Variants in CFTR observed in about 807,000 individuals in gnomAD.
CFTR encodes the protein CF transmembrane conductance regulator, also known as cystic fibrosis transmembrane conductance regulator.
CFTR carries 181 observed loss-of-function variants against 171.6 expected under a neutral mutation model. That is an observed-to-expected ratio of 1.05 (90% CI 0.93 to 1.19). CFTR has a LOEUF of 1.19. Among genes scored for constraint, CFTR ranks in the 50% most tolerant of loss-of-function variants. CFTR has a pLI of 0.00. For synonymous variants in CFTR, 583 were observed against 608.0 expected (o/e 0.96, Z 0.60); for missense variants, 1,968 against 1,734.7 (o/e 1.13, Z -2.39).
intron 16 of CFTR, 127 bp from the exon 17 acceptor site, chr7:117,603,405 A>C: frequency 1.1e-6 from 1 of 930,518 alleles, no homozygotes; most frequent in South Asian, 1.4e-5. Flanking sequence ...TTTGAGGTTA[A>C]GGGTGCATGC....
chr7:117,593,795 C>A (rs1251413605), intron 14 of CFTR, among the ~76,000 whole-genome samples: 1 of 152,130 alleles, frequency 6.6e-6, no homozygotes, highest in African/African-American at 2.4e-5. Flanking sequence ...GGGGTTTCAT[C>A]ATGTTGACCA....
chr7:117,631,789 A>C (rs1384839713), intron 22 of CFTR, among the ~76,000 whole-genome samples: 1 of 152,184 alleles, frequency 6.6e-6, no homozygotes, highest in African/African-American at 2.4e-5. Context: ...GAGTTCTGTG[A>C]GCCATTCTAG....
At chr7:117,603,422 A>G in intron 16 of CFTR, 110 bp from the exon 17 acceptor site, 1 of 1,233,236 alleles carries the variant, frequency 8.1e-7, no homozygotes, top group Non-Finnish European at 1.2e-6. Flanking sequence ...ATGCTCTTCT[A>G]ATGCAAAATA....
chr7:117,641,780 T>C (rs957134070), intron 22 of CFTR, among the ~76,000 whole-genome samples: 1 of 152,230 alleles, frequency 6.6e-6, no homozygotes, highest in Non-Finnish European at 1.5e-5. Context: ...TAATTTTCTT[T>C]CTTTTCCTTA....
chr7:117,661,170 C>T (rs1793275124), intron 24 of CFTR, among the ~76,000 whole-genome samples: 1 of 152,146 alleles, frequency 6.6e-6, no homozygotes, highest in African/African-American at 2.4e-5. Context: ...TAAATGTTTA[C>T]TGACTTCAAT....
intron 11 of CFTR, among the ~76,000 whole-genome samples, chr7:117,583,510 C>T (rs1441809738): frequency 5.3e-5 from 8 of 152,022 alleles, no homozygotes; most frequent in African/African-American, 9.7e-5. Flanking sequence ...TATTTCATTC[C>T]GTTTTTTGGC....
chr7:117,602,039 CT>C lies in CFTR; in HGVS notation c.2620-777del, dbSNP rs377105851. ...ACTGTGACTTTTTACACTGCTGAAA[CT>C]TTTTTTTTTAAGACAATCTCACTCT... On this transcript the variant is annotated intron_variant, in intron 15 of 26. Coordinates refer to ENST00000003084, the MANE Select transcript of CFTR (RefSeq NM_000492.4). Among the ~76,000 whole-genome samples, 570 of 149,690 alleles carry C rather than the reference CT, an allele frequency of 3.8e-3. 24 individuals carry two copies. In the South Asian group the frequency reaches 0.09, roughly 24 times the overall value.
At chr7:117,625,704 G>A (rs1792640363) in intron 21 of CFTR, among the ~76,000 whole-genome samples, 1 of 152,132 alleles carries the variant, frequency 6.6e-6, no homozygotes, top group Admixed American at 6.6e-5. Context: ...ATTATTTCAA[G>A]AGAGGGATAC....
At chr7:117,494,802 C>G (rs1486927193) in intron 1 of CFTR, among the ~76,000 whole-genome samples, 1 of 152,072 alleles carries the variant, frequency 6.6e-6, no homozygotes, top group Non-Finnish European at 1.5e-5. Flanking sequence ...CCTTATATCA[C>G]TCATGTGATT....
chr7:117,551,920 A>ATT (rs1799277678), intron 10 of CFTR, among the ~76,000 whole-genome samples: 1 of 152,066 alleles, frequency 6.6e-6, no homozygotes, highest in Non-Finnish European at 1.5e-5. Flanking sequence ...GTTTTAGCTT[A>ATT]TTCTTGTAAT....
At chr7:117,614,259 C>A (rs990548967) in intron 20 of CFTR, among the ~76,000 whole-genome samples, 3 of 151,944 alleles carry the variant, frequency 2.0e-5, no homozygotes, top group African/African-American at 7.3e-5. Context: ...CCCCATTGCC[C>A]ATTCTAATAT....
Position 117,542,114 on chromosome 7 carries a change from A to G in CFTR, c.1209+6A>G, listed in dbSNP as rs749054857. 3.3e-6 allele frequency: 5 copies of G among 1,498,210 alleles called. No homozygotes were observed. Among genetic ancestry groups the G allele is most frequent in the Non-Finnish European group, 4.7e-6 (5 of 1,074,860 alleles). 92.8% of individuals were successfully genotyped at this position (1,498,210 alleles called of 1,614,324 possible). A position where few individuals can be genotyped will look rare whatever the true frequency, so the allele number is the denominator to read the frequency against. On this transcript the variant is annotated splice_donor_region_variant and intron_variant, in intron 9 of 26. Transcript: ENST00000003084. ...TAACAGCCTTCTGGGAGGAGGTCAG[A>G]ATTTTTAAAAAATTGTTTGCTCTAA...
intron 25 of CFTR, among the ~76,000 whole-genome samples, chr7:117,665,254 A>G (rs762587321): frequency 1.3e-5 from 2 of 152,212 alleles, no homozygotes; most frequent in African/African-American, 2.4e-5. Flanking sequence ...TCTTTGAAAT[A>G]TTTGTCCTGT....
chr7:117,495,612 A>C (rs1401306600), intron 1 of CFTR, among the ~76,000 whole-genome samples: 2 of 152,306 alleles, frequency 1.3e-5, no homozygotes, highest in East Asian at 3.9e-4. Context: ...TCTAGAGGAC[A>C]GAAAACAAAC....
chr7:117,573,773 A>G (rs909427668), intron 11 of CFTR, among the ~76,000 whole-genome samples: 8 of 152,140 alleles, frequency 5.3e-5, no homozygotes, highest in Non-Finnish European at 8.8e-5. Context: ...ATTGAACACA[A>G]TATTAAAACT....
chr7:117,535,189 T>C, intron 5 of CFTR, 59 bp from the exon 6 acceptor site: 1 of 1,560,360 alleles, frequency 6.4e-7, no homozygotes, highest in African/African-American at 1.4e-5. Context: ...ATATGATTGT[T>C]AGTTTCTAGG....
intron 22 of CFTR, among the ~76,000 whole-genome samples, chr7:117,630,708 G>A (rs1181717181): frequency 1.3e-5 from 2 of 152,124 alleles, no homozygotes; most frequent in Non-Finnish European, 2.9e-5. Context: ...TCCAGTCCAC[G>A]GTGGGCATGC....
At chr7:117,580,951 C>T (rs1290773923) in intron 11 of CFTR, among the ~76,000 whole-genome samples, 1 of 151,976 alleles carries the variant, frequency 6.6e-6, no homozygotes, top group Non-Finnish European at 1.5e-5. Flanking sequence ...GTGGAAATTT[C>T]GAATAAACGA....
chr7:117,594,883 A>G (rs745763673), intron 14 of CFTR, 47 bp from the exon 15 acceptor site: 2 of 1,590,262 alleles, frequency 1.3e-6, no homozygotes, highest in South Asian at 2.2e-5. Flanking sequence ...CAATGGTGGC[A>G]TGAAACTGTA....
Sources: gnomAD v4.1 joint callset for allele counts (sites outside exome capture counted in the v4.1 genomes callset) on GRCh38, gnomAD v4.1.1 for gene constraint, MANE v1.5 for transcripts, NCBI Gene and HGNC (gene_info 2026-07-23, HGNC 2026-07-21) for gene names.